Variants in PCSK6 observed in about 807,000 individuals in gnomAD.
PCSK6 encodes paired basic amino acid cleaving enzyme 4.
Under a neutral mutation model 123.3 loss-of-function variants are expected in PCSK6, and 85 were observed. The observed-to-expected ratio is 0.69, with a 90% CI of 0.58 to 0.83. The LOEUF (loss-of-function observed/expected upper bound fraction) is 0.83. Among genes scored for constraint, PCSK6 ranks in the 40% least tolerant of loss-of-function variants. The pLI is 0.00. For synonymous variants in PCSK6, 508 were observed against 516.0 expected, an observed-to-expected ratio of 0.98 and a Z score of 0.21; for missense variants, 1,191 against 1,282.3, an observed-to-expected ratio of 0.93 and a Z score of 1.09.
Position 101,460,039 on chromosome 15 carries a change from C to T in PCSK6, c.298-16379G>A, listed in dbSNP as rs141596772. Among the ~76,000 whole-genome samples the T allele has an allele frequency of 4.3e-3, 654 of 152,274 alleles. 4 individuals carry two copies. The highest frequency in any genetic ancestry group is 6.6e-3 in the Non-Finnish European group (449 of 68,022). ...ATCTGATGTTTGCCACCCACTATCC[C>T]AGGCCCCACACTGAACTGAGGGCCT... On this transcript the variant is annotated intron_variant, in intron 1 of 21. Coordinates refer to ENST00000611716, the MANE Select transcript of PCSK6 (RefSeq NM_002570.5).
chr15:101,378,698 T>C (rs1201224623), intron 11 of PCSK6, among the ~76,000 whole-genome samples: 2 of 152,216 alleles, frequency 1.3e-5, no homozygotes. Context: ...TCTTCCCTGA[T>C]GTTCTCTACC....
intron 17 of PCSK6, among the ~76,000 whole-genome samples, chr15:101,323,911 G>T (rs922335666): frequency 6.6e-6 from 1 of 152,150 alleles, no homozygotes; most frequent in Non-Finnish European, 1.5e-5. Context: ...GGAAGACCAC[G>T]AGTGCCAAAC....
intron 13 of PCSK6, among the ~76,000 whole-genome samples, chr15:101,355,771 A>G (rs7178967): frequency 0.034 from 5,126 of 152,284 alleles, 201 homozygotes; most frequent in African/African-American, 0.098. Flanking sequence ...ACCTTCCTGC[A>G]CCTGAGGGTG....
intron 13 of PCSK6, among the ~76,000 whole-genome samples, chr15:101,359,650 G>A (rs532500834): frequency 3.9e-5 from 6 of 152,362 alleles, no homozygotes; most frequent in Non-Finnish European, 7.4e-5. Context: ...CAGCAAGCAG[G>A]GAGCTGATAT....
At chr15:101,325,555 G>A (rs1302570203) in intron 16 of PCSK6, among the ~76,000 whole-genome samples, 1 of 152,188 alleles carries the variant, frequency 6.6e-6, no homozygotes, top group African/African-American at 2.4e-5. Flanking sequence ...TGGTTGGTGG[G>A]TGCATCTGTC....
intron 11 of PCSK6, among the ~76,000 whole-genome samples, chr15:101,371,098 T>C (rs895556768): frequency 6.6e-6 from 1 of 152,102 alleles, no homozygotes; most frequent in Admixed American, 6.6e-5. Context: ...TCCCAGCTAC[T>C]CGGGAGCCTG....
At chr15:101,359,596 A>C (rs2041152276) in intron 13 of PCSK6, among the ~76,000 whole-genome samples, 1 of 152,274 alleles carries the variant, frequency 6.6e-6, no homozygotes, top group African/African-American at 2.4e-5. Flanking sequence ...TGGCAAGCCC[A>C]TCAGTGCTAA....
intron 1 of PCSK6, among the ~76,000 whole-genome samples, chr15:101,451,240 C>A (rs1477528404): frequency 2.0e-5 from 3 of 151,920 alleles, no homozygotes; most frequent in Admixed American, 1.3e-4. Context: ...GTTTAATTTG[C>A]AGCAAAGTCA....
intron 2 of PCSK6, among the ~76,000 whole-genome samples, chr15:101,435,802 C>T (rs1474983976): frequency 6.6e-6 from 1 of 152,168 alleles, no homozygotes; most frequent in Non-Finnish European, 1.5e-5. Flanking sequence ...AAGGATGTTC[C>T]TAAAGGGTAA....
Position 101,326,411 on chromosome 15 carries a change from C to T in PCSK6, c.2146G>A (p.Val716Ile), listed in dbSNP as rs373329976. ...GPNADQCLNC[V>I]HFSLGSVKTS... is the part of the protein sequence containing the mutation. Reference sequence around the variant, plus strand: ...TTGACACTCCCCAGGCTGAAGTGGACGCAGTTCAAGCACTGGTCTGCATTG... The same window carrying T: ...TTGACACTCCCCAGGCTGAAGTGGATGCAGTTCAAGCACTGGTCTGCATTG... The change falls in exon 16 of 22, where the codon GTC becomes ATC. Residue 716 changes from valine to isoleucine, a missense_variant. Val to Ile is a conservative substitution (Grantham distance 29). Coordinates refer to ENST00000611716, the MANE Select transcript of PCSK6 (RefSeq NM_002570.5). 3.9e-5 allele frequency: 62 copies of T among 1,582,650 alleles called. No homozygotes were observed. In the East Asian group the frequency reaches 4.4e-4, roughly 11 times the overall value.
chr15:101,475,659 T>TA, intron 1 of PCSK6, among the ~76,000 whole-genome samples: 1 of 149,654 alleles, frequency 6.7e-6, no homozygotes, highest in African/African-American at 2.5e-5. Context: ...CTAATTTTTT[T>TA]TTTTTTTTTT....
chr15:101,364,543 A>G (rs1395321051), intron 13 of PCSK6, among the ~76,000 whole-genome samples: 1 of 152,222 alleles, frequency 6.6e-6, no homozygotes, highest in Non-Finnish European at 1.5e-5. Flanking sequence ...AATTAAGAAA[A>G]CCATTCCATT....
chr15:101,323,137 G>A (rs562261382), intron 17 of PCSK6, among the ~76,000 whole-genome samples: 2 of 152,316 alleles, frequency 1.3e-5, no homozygotes, highest in South Asian at 2.1e-4. Context: ...CTGGGTTGGC[G>A]CCTCATGAAA....
chr15:101,325,686 G>A (rs1244216088), intron 16 of PCSK6, among the ~76,000 whole-genome samples: 5 of 152,252 alleles, frequency 3.3e-5, no homozygotes, highest in African/African-American at 4.8e-5. Context: ...CAGGGCAGCT[G>A]CAGGACTGGC....
At chr15:101,432,813 G>T (rs2056490184) in intron 2 of PCSK6, among the ~76,000 whole-genome samples, 2 of 152,178 alleles carry the variant, frequency 1.3e-5, no homozygotes, top group Admixed American at 1.3e-4. Flanking sequence ...TGGTTAACTG[G>T]TATTGGAATT....
At position 101,393,467 on chromosome 15, in the gene PCSK6, C is replaced by T. The variant is rs531194107; in HGVS notation, c.997-43G>A. 16 of 1,522,266 alleles carry T rather than the reference C, an allele frequency of 1.1e-5. No homozygotes were observed. The African/African-American group carries it at 1.9e-4, about 18-fold the overall frequency. The allele number at this position is 1,522,266 out of a possible 1,614,324, so 94.3% of individuals were successfully genotyped here. ...ACAAGGCTTAGCCCCGCAGCAGAAC[C>T]TCGTAGGGTGGGTCTCCCCCCGAAC... On this transcript the variant is annotated intron_variant, in intron 7 of 21. Coordinates refer to ENST00000611716, the MANE Select transcript of PCSK6 (RefSeq NM_002570.5).
chr15:101,412,714 A>ATAT (rs1326677557), intron 6 of PCSK6, among the ~76,000 whole-genome samples: 73 of 113,874 alleles, frequency 6.4e-4, no homozygotes, highest in Admixed American at 1.9e-3. Context: ...TATATATATA[A>ATAT]AATTACCCAA....
intron 6 of PCSK6, among the ~76,000 whole-genome samples, chr15:101,402,884 C>A (rs2042634975): frequency 6.6e-6 from 1 of 152,070 alleles, no homozygotes; most frequent in African/African-American, 2.4e-5. Context: ...GGATCTAGAA[C>A]TAGAAATACC....
intron 8 of PCSK6, 111 bp downstream of exon 8, chr15:101,393,100 CG>C: frequency 1.1e-6 from 1 of 920,464 alleles, no homozygotes; most frequent in Non-Finnish European, 1.7e-6. Flanking sequence ...CCCTGGGATC[CG>C]GAACAATCTG....
Sources: gnomAD v4.1 joint callset for allele counts (sites outside exome capture counted in the v4.1 genomes callset) on GRCh38, gnomAD v4.1.1 for gene constraint, MANE v1.5 for transcripts, NCBI Gene and HGNC (gene_info 2026-07-23, HGNC 2026-07-21) for gene names.